Variants in MGP observed in about 807,000 individuals in gnomAD.
MGP encodes the protein cell growth-inhibiting gene 36 protein.
A neutral mutation model predicts 14.5 loss-of-function variants in MGP; 13 were observed. The observed-to-expected ratio is 0.89, with a 90% CI of 0.58 to 1.42. The LOEUF is 1.42. Ranked by LOEUF, MGP falls within the 40% of genes most tolerant of loss-of-function variation. MGP has a pLI of 0.00. For missense variants in MGP, 128 were observed against 133.7 expected (o/e 0.96, Z 0.21); for synonymous variants, 44 against 46.3 (o/e 0.95, Z 0.20).
In MGP at chr12:14,885,803, G is replaced by T. The variant is rs1352697596; in HGVS notation, c.-12C>A. Reference sequence around the variant, plus strand: ...ATCAGGCTCTTCATGGTTTCGTCCTGCAGGTCAGTCTCAGGGTCTTGTGTA... The same window carrying T: ...ATCAGGCTCTTCATGGTTTCGTCCTTCAGGTCAGTCTCAGGGTCTTGTGTA... On this transcript the variant is annotated 5_prime_UTR_variant, in exon 1 of 4. Coordinates refer to ENST00000539261, the MANE Select transcript of MGP (RefSeq NM_000900.5). The T allele has an allele frequency of 1.2e-6, 2 of 1,613,190 alleles. No homozygotes were observed. The highest frequency in any genetic ancestry group is 1.3e-5 in the African/African-American group (1 of 74,892).
Position 14,882,197 on chromosome 12 carries a change from A to T in MGP, c.254T>A (p.Val85Asp), listed in dbSNP as rs764552478. 1.9e-6 allele frequency: 3 copies of T among 1,614,064 alleles called. No individual in the cohort carries two copies. The African/African-American group carries it at 4.0e-5, about 22-fold the overall frequency. The change falls in exon 4 of 4, where the codon GTT becomes GAT. Residue 85 changes from valine (V) to aspartate (D), a missense_variant. By Grantham distance (152) the Val-to-Asp change is radical (BLOSUM62 -3). Transcript: ENST00000539261. ...ATTATAGGCAGCATTGTATCCATAA[A>T]CCATGGCGTAGCGTTCGCAAAGTCT... ...DYRLCERYAM[V>D]YGYNAAYNRY...
intron 2 of MGP, 73 bp from the exon 3 acceptor site, chr12:14,883,120 C>A: frequency 8.4e-7 from 1 of 1,183,752 alleles, no homozygotes; most frequent in Non-Finnish European, 1.3e-6. Flanking sequence ...TATTCCTTGA[C>A]ACAAATATAT....
intron 1 of MGP, among the ~76,000 whole-genome samples, 184 bp downstream of exon 1, chr12:14,885,547 G>C (rs897653426): frequency 2.6e-5 from 4 of 152,138 alleles, no homozygotes; most frequent in African/African-American, 9.7e-5. Context: ...GGATATTTAG[G>C]ATATAAAAAA....
Position 14,885,082 on chromosome 12 carries a change from G to A in MGP, c.61+649C>T, listed in dbSNP as rs539085881. On this transcript the variant is annotated intron_variant, in intron 1 of 3. Coordinates refer to ENST00000539261, the MANE Select transcript of MGP (RefSeq NM_000900.5). The stretch of plus-strand genomic sequence containing the variant: ...AATTTTAAAACAATGAAAATATCTA[G>A]GTAATTGAAACAAAAGACTGAAATA... 7.2e-5 allele frequency among the ~76,000 whole-genome samples: 11 copies of A among 152,268 alleles called. No individual in the cohort carries two copies. In the South Asian group the frequency reaches 2.1e-3, roughly 29 times the overall value.
Position 14,885,754 on chromosome 12 carries a change from A to C in MGP, c.38T>G (p.Leu13Ter). The change falls in exon 1 of 4, where the codon TTA becomes TGA. Residue 13 changes from leucine (L) to a stop codon, truncating the protein, a stop_gained. Transcript: ENST00000539261. LOFTEE classifies it high-confidence loss of function. ...ACCATAACACAAAGTTACTACCGCTAAGGCGGCCAGGATGGCAAGAAGGAT... is the reference window on the plus strand; with the variant it reads ...ACCATAACACAAAGTTACTACCGCTCAGGCGGCCAGGATGGCAAGAAGGAT... Reference protein sequence around the residue: ...SLILLAILAALAVVTLCYESH... With the variant: ...SLILLAILAA 1 of 1,613,814 alleles carries C rather than the reference A, an allele frequency of 6.2e-7. No homozygotes were observed. Among genetic ancestry groups the C allele is most frequent in the Non-Finnish European group, 8.5e-7 (1 of 1,179,740 alleles).
chr12:14,883,223 A>G lies in MGP; in HGVS notation c.95-176T>C, dbSNP rs191101201. On this transcript the variant is annotated intron_variant, in intron 2 of 3. Coordinates refer to ENST00000539261, the MANE Select transcript of MGP (RefSeq NM_000900.5). ...GTAGATTTCATTAACTTCCTGATCA[A>G]ATGAAATCAGTAATCAATCCATGTG... 10 of 607,060 alleles carry G rather than the reference A, an allele frequency of 1.6e-5. No homozygotes were observed. In the East Asian group the frequency reaches 3.0e-4, roughly 18 times the overall value. 37.6% of individuals were successfully genotyped at this position (607,060 alleles called of 1,614,324 possible). A position where few individuals can be genotyped will look rare whatever the true frequency, so the allele number is the denominator to read the frequency against.
chr12:14,884,388 A>G lies in MGP; in HGVS notation c.62-143T>C, dbSNP rs1020065593. 5.0e-6 allele frequency: 3 copies of G among 605,750 alleles called. No individual in the cohort carries two copies. In the African/African-American group the frequency reaches 5.6e-5, roughly 11 times the overall value. The allele number at this position is 605,750 out of a possible 1,614,324, so 37.5% of individuals were successfully genotyped here. ...GTCTAAAAACATGAAGAATATATTT[A>G]GCAGTGTGGTTATTAGAAATTTCAG... is the stretch of plus-strand genomic sequence containing the variant. On this transcript the variant is annotated intron_variant, in intron 1 of 3. Coordinates refer to ENST00000539261, the MANE Select transcript of MGP (RefSeq NM_000900.5).
chr12:14,881,958 G>T lies in MGP; in HGVS notation c.*181C>A. The T allele has an allele frequency of 1.4e-6, 1 of 696,736 alleles. No individual in the cohort carries two copies. Among genetic ancestry groups the T allele is most frequent in the African/African-American group, 1.8e-5 (1 of 56,348 alleles). 43.2% of individuals were successfully genotyped at this position (696,736 alleles called of 1,614,324 possible). On this transcript the variant is annotated 3_prime_UTR_variant, in exon 4 of 4. Transcript: ENST00000539261. ...TGTTGACTCTCCTTTGACCCTCACT[G>T]CAGTGCACTTTCATTACTTATCAAT... is the stretch of plus-strand genomic sequence containing the variant.
At chr12:14,884,755 T>C in intron 1 of MGP, 1 of 1,478,792 alleles carries the variant, frequency 6.8e-7, no homozygotes, top group Non-Finnish European at 9.1e-7. Flanking sequence ...GAAAGCCTCT[T>C]AAGAACCTGT....
rs143099272 is a variant in MGP at position 14,882,240 on chromosome 12, C to G, written c.211G>C (p.Glu71Gln). ...CAAAGTCTGTAGTCATCACAGGCTTCCCTATTGAGCTCGTGGACAGGCTTA... is the reference window on the plus strand; with the variant it reads ...CAAAGTCTGTAGTCATCACAGGCTTGCCTATTGAGCTCGTGGACAGGCTTA... The part of the protein sequence containing the change: ...RSKPVHELNR[E>Q]ACDDYRLCER... Residue 71 changes from glutamate to glutamine, a missense_variant, in exon 4 of 4, where the codon GAA becomes CAA. Physicochemically the swap from Glu to Gln is conservative, Grantham distance 29. Coordinates refer to ENST00000539261, the MANE Select transcript of MGP (RefSeq NM_000900.5). 4 of 1,613,968 alleles carry G rather than the reference C, an allele frequency of 2.5e-6. No homozygotes were observed. In the African/African-American group the frequency reaches 4.0e-5, roughly 16 times the overall value.
chr12:14,882,986 A>C lies in MGP; in HGVS notation c.156T>G (p.Ala52=). 6.2e-7 allele frequency: 1 copy of C among 1,612,006 alleles called. No homozygotes were observed. The highest frequency in any genetic ancestry group is 8.5e-7 in the Non-Finnish European group (1 of 1,178,184). Residue 52 remains alanine, a synonymous_variant, in exon 3 of 4, where the codon GCT becomes GCG. Coordinates refer to ENST00000539261, the MANE Select transcript of MGP (RefSeq NM_000900.5). ...TFISPQQRWR[A]KVQERIRERS... ...TTGTTACTGACCTCTCTTGGACTTT[A>C]GCTCTCCATCTCTGCTGAGGGGATA...
intron 3 of MGP, among the ~76,000 whole-genome samples, chr12:14,882,537 A>C (rs1309475910): frequency 6.6e-6 from 1 of 152,004 alleles, no homozygotes; most frequent in African/African-American, 2.4e-5. Flanking sequence ...CGTCTCTACA[A>C]AAAATGCAAA....
chr12:14,883,126 T>C (rs1863400550), intron 2 of MGP, 79 bp from the exon 3 acceptor site: 4 of 1,158,220 alleles, frequency 3.5e-6, no homozygotes, highest in African/African-American at 1.5e-5. Context: ...TTGACACAAA[T>C]ATATTTGAAA....
chr12:14,884,106 C>T (rs917815409), intron 2 of MGP, 107 bp downstream of exon 2: 3 of 879,532 alleles, frequency 3.4e-6, no homozygotes, highest in South Asian at 1.9e-5. Flanking sequence ...CCAAAAGAGG[C>T]CCCCTTTTCC....
At chr12:14,885,025 AG>A in intron 1 of MGP, 1 of 587,132 alleles carries the variant, frequency 1.7e-6, no homozygotes, top group Non-Finnish European at 2.9e-6. Context: ...AAGAGTGAGA[AG>A]CATAATCTTT....
rs751656047 is a variant in MGP, at chr12:14,885,798, G to A, written c.-7C>T. On this transcript the variant is annotated 5_prime_UTR_variant, in exon 1 of 4. It adds an upstream start codon to the 5' untranslated region. Transcript: ENST00000539261. ...GAAGGATCAGGCTCTTCATGGTTTC[G>A]TCCTGCAGGTCAGTCTCAGGGTCTT... 63 of 1,613,326 alleles carry A rather than the reference G, an allele frequency of 3.9e-5. No homozygotes were observed. The highest frequency in any genetic ancestry group is 5.0e-5 in the Non-Finnish European group (59 of 1,179,518).
rs1485863815 is a variant in MGP at position 14,882,078 on chromosome 12, G to C, written c.*61C>G. 2.5e-6 allele frequency: 4 copies of C among 1,581,220 alleles called. No individual in the cohort carries two copies. Among genetic ancestry groups the C allele is most frequent in the African/African-American group, 1.4e-5 (1 of 74,038 alleles). On this transcript the variant is annotated 3_prime_UTR_variant, in exon 4 of 4. Transcript: ENST00000539261. ...ATGTATTTCTGTAATGCTGCTACAG[G>C]GGGATACAAAATCAGGTGCCAGCCT...
Position 14,881,738 on chromosome 12 carries a change from G to T in MGP, c.*401C>A, listed in dbSNP as rs1482670431. The T allele has an allele frequency of 9.9e-6, 2 of 201,888 alleles. No homozygotes were observed. Among genetic ancestry groups the T allele is most frequent in the East Asian group, 1.2e-4 (1 of 8,240 alleles). 12.5% of individuals were successfully genotyped at this position (201,888 alleles called of 1,614,324 possible). ...GTAGAGAGGGTTTAGAGAATTTATG[G>T]CTGAGTGAGTGCCTTCTTAGCTTCC... On this transcript the variant is annotated 3_prime_UTR_variant, in exon 4 of 4. Coordinates refer to ENST00000539261, the MANE Select transcript of MGP (RefSeq NM_000900.5).
chr12:14,885,689 G>A, intron 1 of MGP, 42 bp downstream of exon 1: 2 of 1,522,340 alleles, frequency 1.3e-6, no homozygotes, highest in East Asian at 2.3e-5. Flanking sequence ...AAAGTCAGAG[G>A]CAGAAAAGTA....
Sources: gnomAD v4.1 joint callset for allele counts (sites outside exome capture counted in the v4.1 genomes callset) on GRCh38, gnomAD v4.1.1 for gene constraint, MANE v1.5 for transcripts, NCBI Gene and HGNC (gene_info 2026-07-23, HGNC 2026-07-21) for gene names.